MBD1: variants seen among roughly 807,000 people sequenced by gnomAD.
MBD1 encodes the protein methyl-CpG binding domain protein 1, also known as methyl-CpG-binding domain protein 1.
A neutral mutation model predicts 82.6 loss-of-function variants in MBD1; 25 were observed. The ratio of observed to expected loss-of-function variants is 0.30; its 90% CI spans 0.22 to 0.42. The LOEUF is 0.42. MBD1 is among the 10% of genes least tolerant of loss of function. The pLI is 1.00. For synonymous variants in MBD1, 301 were observed against 303.7 expected (o/e 0.99, Z 0.09); for missense variants, 627 against 819.6 (o/e 0.76, Z 2.87).
chr18:50,279,545 A>G (rs1378905703), intron 2 of MBD1, among the ~76,000 whole-genome samples: 3 of 152,360 alleles, frequency 2.0e-5, no homozygotes, highest in Non-Finnish European at 4.4e-5. Context: ...CAAAAATTAG[A>G]AAAATGTGAC....
At position 50,272,967 on chromosome 18, in the gene MBD1, A is replaced by G; in HGVS notation, c.1585-12T>C. 3 of 1,614,094 alleles carry G rather than the reference A, an allele frequency of 1.9e-6. No individual in the cohort carries two copies. The highest frequency in any genetic ancestry group is 2.5e-6 in the Non-Finnish European group (3 of 1,180,000). ...CCTGGGTCTACTGCCTGGGAGAAGT[A>G]GGAAACAGGCAACCATTAGAAGGGC... On this transcript the variant is annotated splice_polypyrimidine_tract_variant and intron_variant, in intron 13 of 16. Coordinates refer to ENST00000269468, the MANE Select transcript of MBD1 (RefSeq NM_015846.4).
chr18:50,279,704 G>A, intron 2 of MBD1, 179 bp downstream of exon 2: 1 of 789,990 alleles, frequency 1.3e-6, no homozygotes, highest in Non-Finnish European at 2.0e-6. Flanking sequence ...TGTGAGTAGT[G>A]ACTTTTAAGT....
At chr18:50,270,646 T>C (rs1177858130) in intron 16 of MBD1, 2 of 273,516 alleles carry the variant, frequency 7.3e-6, no homozygotes, top group East Asian at 8.0e-5. Context: ...TGAGGAATCC[T>C]ATGCAGCACC....
intron 2 of MBD1, 88 bp downstream of exon 2, chr18:50,279,795 C>T: frequency 6.5e-7 from 1 of 1,547,160 alleles, no homozygotes; most frequent in Non-Finnish European, 8.9e-7. Context: ...ATAATTTAAA[C>T]TTCATCCATA....
intron 1 of MBD1, among the ~76,000 whole-genome samples, chr18:50,280,541 C>T (rs1599590605): frequency 6.6e-6 from 1 of 152,008 alleles, no homozygotes; most frequent in South Asian, 2.1e-4. Context: ...CACTCCATTC[C>T]TTCTCTGCCT....
At chr18:50,271,435 G>C in intron 16 of MBD1, 34 bp downstream of exon 16, 1 of 1,613,984 alleles carries the variant, frequency 6.2e-7, no homozygotes, top group Non-Finnish European at 8.5e-7. Flanking sequence ...GTAGATCAGT[G>C]TTGTCTCTCA....
In MBD1 at chr18:50,275,985, C is replaced by A; in HGVS notation, c.517-4G>T. 1 of 1,611,706 alleles carries A rather than the reference C, an allele frequency of 6.2e-7. No individual in the cohort carries two copies. On this transcript the variant is annotated splice_region_variant and splice_polypyrimidine_tract_variant and intron_variant, in intron 6 of 16. Coordinates refer to ENST00000269468, the MANE Select transcript of MBD1 (RefSeq NM_015846.4). Reference sequence around the variant, plus strand: ...CACACTCCCCACAGCCCACACGCTGCCAGGAATGGTAGGGACGAGATCACG... The same window carrying A: ...CACACTCCCCACAGCCCACACGCTGACAGGAATGGTAGGGACGAGATCACG...
At chr18:50,267,237 C>G, downstream of MBD1, 1 of 222,598 alleles carries the variant, frequency 4.5e-6, no homozygotes, top group Admixed American at 5.2e-5. Flanking sequence ...CGCGCGTGGC[C>G]GCAAATATCT....
rs1568223605 is a variant in MBD1, at chr18:50,274,927, C to T, written c.978+50G>A. Reference sequence around the variant, plus strand: ...CCAGCATCTGCTTCTTTGAAGTTAACCAAGCGTCCTGAGATTCTAGGCTTA... The same window carrying T: ...CCAGCATCTGCTTCTTTGAAGTTAATCAAGCGTCCTGAGATTCTAGGCTTA... On this transcript the variant is annotated intron_variant, in intron 10 of 16. Transcript: ENST00000269468. The T allele has an allele frequency of 1.9e-6, 3 of 1,593,106 alleles. No individual in the cohort carries two copies. The South Asian group carries it at 3.3e-5, about 18-fold the overall frequency.
rs544304975 is a variant in MBD1, at chr18:50,281,523, C to G, written c.-186G>C. The G allele has an allele frequency of 6.4e-5, 37 of 577,262 alleles. 1 individual carries two copies. The South Asian group carries it at 7.8e-4, about 12-fold the overall frequency. The allele number at this position is 577,262 out of a possible 1,614,324, so 35.8% of individuals were successfully genotyped here. On this transcript the variant is annotated 5_prime_UTR_variant, in exon 1 of 17. Coordinates refer to ENST00000269468, the MANE Select transcript of MBD1 (RefSeq NM_015846.4). Reference sequence around the variant, plus strand: ...CGCCTCCGCGGCTGTTCGTTGCTCCCGGAACCGGAAGTCCGCTGCCTGCCT... The same window carrying G: ...CGCCTCCGCGGCTGTTCGTTGCTCCGGGAACCGGAAGTCCGCTGCCTGCCT...
At chr18:50,278,454 T>C (rs183535027) in intron 2 of MBD1, among the ~76,000 whole-genome samples, 167 of 152,332 alleles carry the variant, frequency 1.1e-3, no homozygotes, top group African/African-American at 4.0e-3. Context: ...ACTATTATCT[T>C]GTCCTAAGAA....
intron 5 of MBD1, 84 bp from the exon 6 acceptor site, chr18:50,276,502 A>T: frequency 6.7e-7 from 1 of 1,490,188 alleles, no homozygotes; most frequent in South Asian, 1.1e-5. Flanking sequence ...CCTGACTTCC[A>T]CTATTCAACC....
At position 50,272,873 on chromosome 18, in the gene MBD1, GCAGAAT is replaced by G. The variant is rs2036194318; in HGVS notation, c.1661_1666del (p.Asp554_Ser555del). ...CTCTTCCTCTGGGGCCAATTTGGAGGCAGAATCATCCTTGTTCTCCTCCTTGTCCTC... is the reference window on the plus strand; with the variant it reads ...CTCTTCCTCTGGGGCCAATTTGGAGGCATCCTTGTTCTCCTCCTTGTCCTC... On this transcript the variant is annotated inframe_deletion, in exon 14 of 17. Transcript: ENST00000269468. 1.2e-6 allele frequency: 2 copies of G among 1,614,118 alleles called. No individual in the cohort carries two copies.
intron 16 of MBD1, chr18:50,271,184 C>A: frequency 7.9e-7 from 1 of 1,262,860 alleles, no homozygotes; most frequent in Non-Finnish European, 1.0e-6. Flanking sequence ...TTTGTGGTGG[C>A]TTTAATTATA....
chr18:50,279,164 C>A (rs963474891), intron 2 of MBD1, among the ~76,000 whole-genome samples: 8 of 152,180 alleles, frequency 5.3e-5, no homozygotes, highest in African/African-American at 1.9e-4. Context: ...TTTTCCTAAC[C>A]CAGGGTAACA....
Position 50,271,452 on chromosome 18 carries a change from C to T in MBD1, c.*32+17G>A, listed in dbSNP as rs776982379. 6.2e-7 allele frequency: 1 copy of T among 1,614,128 alleles called. No homozygotes were observed. Among genetic ancestry groups the T allele is most frequent in the South Asian group, 1.1e-5 (1 of 91,084 alleles). On this transcript the variant is annotated intron_variant, in intron 16 of 16. Coordinates refer to ENST00000269468, the MANE Select transcript of MBD1 (RefSeq NM_015846.4). ...AGATCAGTGTTGTCTCTCATAAAGC[C>T]AGTCTGCAAATATCACCTTGAATCC... is the stretch of plus-strand genomic sequence containing the variant.
At chr18:50,274,539 T>C (rs1334790307) in intron 10 of MBD1, among the ~76,000 whole-genome samples, 186 bp from the exon 11 acceptor site, 2 of 152,208 alleles carry the variant, frequency 1.3e-5, no homozygotes. Context: ...TTGGCCACTA[T>C]CACTGTGCCA....
At chr18:50,267,568 G>T, downstream of MBD1, 2 of 1,477,482 alleles carry the variant, frequency 1.4e-6, no homozygotes, top group Non-Finnish European at 1.8e-6. Flanking sequence ...TCAGGATCCA[G>T]GCAGAACAGG....
chr18:50,281,198 T>A, intron 1 of MBD1, 165 bp downstream of exon 1: 1 of 1,534,190 alleles, frequency 6.5e-7, no homozygotes. Flanking sequence ...CTTCCCGTCC[T>A]CAGCCTAAAT....
Sources: gnomAD v4.1 joint callset for allele counts (sites outside exome capture counted in the v4.1 genomes callset) on GRCh38, gnomAD v4.1.1 for gene constraint, MANE v1.5 for transcripts, NCBI Gene and HGNC (gene_info 2026-07-23, HGNC 2026-07-21) for gene names.